Variants in ALG12 observed in about 807,000 individuals in gnomAD.
ALG12 encodes the protein ALG12 alpha-1,6-mannosyltransferase, also known as dol-P-Man:Man(7)GlcNAc(2)-PP-Dol alpha-1,6-mannosyltransferase.
Under a neutral mutation model 46.0 loss-of-function variants are expected in ALG12, and 36 were observed. That is an observed-to-expected ratio of 0.78 (90% CI 0.60 to 1.03). The LOEUF is 1.03. ALG12 is among the 50% of genes least tolerant of loss of function. The pLI is 0.00. For synonymous variants in ALG12, 326 were observed against 291.6 expected, an observed-to-expected ratio of 1.12 and a Z score of -1.20; for missense variants, 599 against 633.5, an observed-to-expected ratio of 0.95 and a Z score of 0.58.
chr22:49,871,577 A>G, the ALG12 span, among the ~76,000 whole-genome samples: 1 of 152,086 alleles, frequency 6.6e-6, no homozygotes, highest in Non-Finnish European at 1.5e-5. Context: ...TTGATTTTTA[A>G]AAAGCTTGTT....
rs9627787 is a variant in ALG12 at position 49,906,058 on chromosome 22, G to A, written c.993-1552C>T. Reference sequence around the variant, plus strand: ...GTGGCCGGGCTGAGGACCTGACTTCGGAGGGGGCCTTGCTCTACCCTGCAC... The same window carrying A: ...GTGGCCGGGCTGAGGACCTGACTTCAGAGGGGGCCTTGCTCTACCCTGCAC... On this transcript the variant is annotated intron_variant, in intron 7 of 9. Transcript: ENST00000330817. This position sits in a 1 kb window ranked among gnomAD's most constrained non-coding sequence, Gnocchi z 4.4. 2.0e-5 allele frequency among the ~76,000 whole-genome samples: 3 copies of A among 152,084 alleles called. No individual in the cohort carries two copies. Among genetic ancestry groups the A allele is most frequent in the African/African-American group, 4.8e-5 (2 of 41,398 alleles).
At position 49,902,171 on chromosome 22, in the gene ALG12, ACTGTGTGTGGT is replaced by A. The variant is rs2060513427; in HGVS notation, c.*1656_*1666del. 3.2e-5 allele frequency: 4 copies of A among 124,924 alleles called. No homozygotes were observed. The highest frequency in any genetic ancestry group is 1.4e-4 in the African/African-American group (4 of 29,366). 7.7% of individuals were successfully genotyped at this position (124,924 alleles called of 1,614,324 possible). Reference sequence around the variant, plus strand: ...GTATGCATGGTGTGTGCACGTGTGCACTGTGTGTGGTGTGTATGCATGGTGTGTGCACATGT... The same window carrying A: ...GTATGCATGGTGTGTGCACGTGTGCAGTGTATGCATGGTGTGTGCACATGT... On this transcript the variant is annotated 3_prime_UTR_variant, in exon 10 of 10. Coordinates refer to ENST00000330817, the MANE Select transcript of ALG12 (RefSeq NM_024105.4).
At chr22:49,886,755 G>C in the ALG12 span, 1 of 1,612,624 alleles carries the variant, frequency 6.2e-7, no homozygotes, top group Non-Finnish European at 8.5e-7. This position sits in a 1 kb window ranked among gnomAD's most constrained non-coding sequence, Gnocchi z 7.7. Flanking sequence ...ATTTAATCAG[G>C]GAACTCGAAC....
the ALG12 span, chr22:49,885,166 T>C: frequency 6.2e-7 from 1 of 1,614,128 alleles, no homozygotes; most frequent in African/African-American, 1.3e-5. Flanking sequence ...GAGACATCTC[T>C]ACCGGCGCCA....
chr22:49,868,326 C>T, the ALG12 span, among the ~76,000 whole-genome samples: 2 of 152,188 alleles, frequency 1.3e-5, no homozygotes, highest in African/African-American at 4.8e-5. Context: ...AATAACTACA[C>T]TTGAGGAAGG....
At chr22:49,865,060 G>GC in the ALG12 span, among the ~76,000 whole-genome samples, 1 of 151,128 alleles carries the variant, frequency 6.6e-6, no homozygotes, top group African/African-American at 2.4e-5. Context: ...CTCACTAAGG[G>GC]CAGGGGTGTG....
chr22:49,884,337 G>T, the ALG12 span: 1 of 1,613,642 alleles, frequency 6.2e-7, no homozygotes, highest in South Asian at 1.1e-5. Flanking sequence ...TAACAGAGGA[G>T]TCTGTGTCTG....
chr22:49,870,977 G>A, the ALG12 span, among the ~76,000 whole-genome samples: 1 of 144,054 alleles, frequency 6.9e-6, no homozygotes, highest in Non-Finnish European at 1.5e-5. Flanking sequence ...GTCTCACTCT[G>A]TTACCCAGGC....
downstream of ALG12, among the ~76,000 whole-genome samples, chr22:49,896,599 C>G (rs771557328): frequency 2.0e-5 from 3 of 152,172 alleles, no homozygotes; most frequent in Non-Finnish European, 2.9e-5. Flanking sequence ...TTCCTGTCAA[C>G]ATTTACCTTG....
At chr22:49,874,672 CTTTTTTTTTT>C in the ALG12 span, among the ~76,000 whole-genome samples, 4 of 37,314 alleles carry the variant, frequency 1.1e-4, no homozygotes, top group East Asian at 2.1e-3. Flanking sequence ...CATGCCCAGC[CTTTTTTTTTT>C]TTTTTTTTTT....
At chr22:49,884,854 C>G in the ALG12 span, 1 of 1,610,292 alleles carries the variant, frequency 6.2e-7, no homozygotes, top group African/African-American at 1.3e-5. Context: ...TGAGGACTTG[C>G]AGTCTCACTT....
At chr22:49,861,597 T>C in the ALG12 span, among the ~76,000 whole-genome samples, 4 of 152,228 alleles carry the variant, frequency 2.6e-5, no homozygotes, top group African/African-American at 7.2e-5. Context: ...CCATGCCAGC[T>C]GATTTTTTTC....
chr22:49,916,562 A>G (rs2060610272), intron 1 of ALG12, among the ~76,000 whole-genome samples: 1 of 152,224 alleles, frequency 6.6e-6, no homozygotes, highest in African/African-American at 2.4e-5. Context: ...CCTGGACAAC[A>G]GAGCCAGACT....
chr22:49,917,188 T>C (rs1173765083), intron 1 of ALG12, among the ~76,000 whole-genome samples: 1 of 152,238 alleles, frequency 6.6e-6, no homozygotes, highest in Non-Finnish European at 1.5e-5. Context: ...CCCACTCTGC[T>C]GGGCAGCTGG....
At chr22:49,865,858 A>AT in the ALG12 span, among the ~76,000 whole-genome samples, 1 of 128,164 alleles carries the variant, frequency 7.8e-6, no homozygotes, top group African/African-American at 3.8e-5. Context: ...CTTGGTTCAC[A>AT]TTTTCTTTTT....
At chr22:49,892,187 C>CAAAAAAA in the ALG12 span, among the ~76,000 whole-genome samples, 24 of 55,316 alleles carry the variant, frequency 4.3e-4, no homozygotes, top group East Asian at 2.2e-3. Context: ...GACTCTGTCT[C>CAAAAAAA]AAAAAAAAAA....
chr22:49,884,765 A>C, the ALG12 span: 3 of 1,596,922 alleles, frequency 1.9e-6, no homozygotes, highest in Non-Finnish European at 2.6e-6. Flanking sequence ...CCGGAGGGGG[A>C]GCTCAGCTCT....
chr22:49,888,621 T>A, the ALG12 span: 3 of 167,272 alleles, frequency 1.8e-5, no homozygotes, highest in African/African-American at 7.2e-5. Context: ...ATGGCCATGG[T>A]GATGACTTTC....
At chr22:49,862,733 G>C in the ALG12 span, among the ~76,000 whole-genome samples, 2 of 100,728 alleles carry the variant, frequency 2.0e-5, no homozygotes, top group Non-Finnish European at 3.5e-5. Context: ...CTTAAGTCTT[G>C]CTCTGTCGCC....
Sources: gnomAD v4.1 joint callset for allele counts (sites outside exome capture counted in the v4.1 genomes callset) on GRCh38, gnomAD v4.1.1 for gene constraint, Gnocchi (gnomAD v3.1) non-coding constraint, MANE v1.5 for transcripts, NCBI Gene and HGNC (gene_info 2026-07-23, HGNC 2026-07-21) for gene names.